The following SUSD4 variants were observed in gnomAD, a reference collection of about 807,000 sequenced individuals.
SUSD4 encodes the protein sushi domain containing 4.
A neutral mutation model predicts 50.5 loss-of-function variants in SUSD4; 41 were observed. The ratio of observed to expected loss-of-function variants is 0.81; its 90% CI spans 0.63 to 1.05. SUSD4 has a LOEUF of 1.05. SUSD4 is among the 50% of genes least tolerant of loss of function. The pLI, the probability that SUSD4 is intolerant of heterozygous loss-of-function variation, is 0.00. For missense variants in SUSD4, 580 were observed against 634.7 expected, an observed-to-expected ratio of 0.91 and a Z score of 0.93; for synonymous variants, 257 against 257.3, an observed-to-expected ratio of 1.00 and a Z score of 0.01.
intron 2 of SUSD4, among the ~76,000 whole-genome samples, chr1:223,358,251 G>T (rs1202168270): frequency 1.5e-5 from 2 of 133,872 alleles, no homozygotes; most frequent in African/African-American, 5.8e-5. Flanking sequence ...GAAAAAGATG[G>T]ATGGATGGAT....
intron 2 of SUSD4, among the ~76,000 whole-genome samples, chr1:223,300,092 G>C (rs1385675829): frequency 6.6e-6 from 1 of 152,186 alleles, no homozygotes; most frequent in Non-Finnish European, 1.5e-5. Context: ...CTGGTAAGCA[G>C]TCATCTAGTG....
intron 2 of SUSD4, among the ~76,000 whole-genome samples, chr1:223,322,229 G>T (rs182049285): frequency 2.0e-3 from 308 of 152,342 alleles, no homozygotes; most frequent in Middle Eastern, 0.017. Flanking sequence ...GTACTGCTCA[G>T]CTTACTCTAG....
intron 1 of SUSD4, chr1:223,363,728 C>T: frequency 9.9e-6 from 3 of 304,470 alleles, no homozygotes; most frequent in Non-Finnish European, 1.8e-5. Context: ...ATTGGCTCCG[C>T]GCCGGTCCCC....
intron 3 of SUSD4, among the ~76,000 whole-genome samples, chr1:223,273,045 G>C (rs887253343): frequency 1.3e-5 from 2 of 152,138 alleles, no homozygotes; most frequent in African/African-American, 2.4e-5. Context: ...ATAGGAAAGG[G>C]GCCCCTGAGG....
At chr1:223,321,790 T>C (rs1271615963) in intron 2 of SUSD4, among the ~76,000 whole-genome samples, 1 of 152,224 alleles carries the variant, frequency 6.6e-6, no homozygotes, top group East Asian at 1.9e-4. Context: ...TATACTGAAA[T>C]ATAGTTATCA....
At chr1:223,257,231 C>T (rs914053074) in intron 5 of SUSD4, among the ~76,000 whole-genome samples, 5 of 151,910 alleles carry the variant, frequency 3.3e-5, no homozygotes, top group East Asian at 1.9e-4. Context: ...GGGCTGGGTG[C>T]GGTGGTTCAT....
At position 223,310,410 on chromosome 1, in the gene SUSD4, AAC is replaced by A. The variant is rs1334693162; in HGVS notation, c.149-17761_149-17760del. ...AGGCACCTGAGCCAAAACAATTCCTAACAGTCTATTCAGAAACCATTGAAACT... is the reference window on the plus strand; with the variant it reads ...AGGCACCTGAGCCAAAACAATTCCTAAGTCTATTCAGAAACCATTGAAACT... On this transcript the variant is annotated intron_variant, in intron 2 of 8. Coordinates refer to ENST00000366878, the MANE Select transcript of SUSD4 (RefSeq NM_017982.4). Among the ~76,000 whole-genome samples, 6 of 152,260 alleles carry A rather than the reference AAC, an allele frequency of 3.9e-5. No individual in the cohort carries two copies. In the East Asian group the frequency reaches 1.2e-3, roughly 29 times the overall value.
chr1:223,307,619 T>C (rs1267108050), intron 2 of SUSD4, among the ~76,000 whole-genome samples: 1 of 152,118 alleles, frequency 6.6e-6, no homozygotes, highest in Non-Finnish European at 1.5e-5. Context: ...TGCGGGGGGA[T>C]TGGAGATGGG....
At chr1:223,302,762 C>CT (rs1305158412) in intron 2 of SUSD4, among the ~76,000 whole-genome samples, 1 of 152,210 alleles carries the variant, frequency 6.6e-6, no homozygotes, top group Non-Finnish European at 1.5e-5. Flanking sequence ...TCCAAACTAA[C>CT]CTGCCTCTGG....
intron 5 of SUSD4, among the ~76,000 whole-genome samples, chr1:223,243,059 T>C (rs1464737492): frequency 6.6e-6 from 1 of 152,062 alleles, no homozygotes; most frequent in African/African-American, 2.4e-5. Flanking sequence ...AGTGTCCCCC[T>C]GGCCAGATGC....
At chr1:223,239,398 C>G (rs1206832006) in intron 5 of SUSD4, among the ~76,000 whole-genome samples, 1 of 151,920 alleles carries the variant, frequency 6.6e-6, no homozygotes. Context: ...TGTTTGGTGC[C>G]TTTGTTCTTT....
chr1:223,234,135 G>T (rs1490915131), intron 5 of SUSD4, among the ~76,000 whole-genome samples: 3 of 152,202 alleles, frequency 2.0e-5, no homozygotes, highest in Admixed American at 1.3e-4. Flanking sequence ...GGGGAGGCGG[G>T]ACCAAAGGAT....
At chr1:223,344,152 C>T (rs750214002) in intron 2 of SUSD4, among the ~76,000 whole-genome samples, 6 of 152,166 alleles carry the variant, frequency 3.9e-5, no homozygotes, top group Non-Finnish European at 5.9e-5. Context: ...TAAATATATA[C>T]AGACAGCCTG....
chr1:223,310,262 G>C (rs1355050265), intron 2 of SUSD4, among the ~76,000 whole-genome samples: 1 of 152,128 alleles, frequency 6.6e-6, no homozygotes, highest in Non-Finnish European at 1.5e-5. Flanking sequence ...GTGATGCTAT[G>C]ACCTTGGGCT....
Position 223,228,210 on chromosome 1 carries a change from C to T in SUSD4, c.917-472G>A, listed in dbSNP as rs1659657427. 2.0e-5 allele frequency among the ~76,000 whole-genome samples: 3 copies of T among 152,162 alleles called. No homozygotes were observed. The South Asian group carries it at 6.2e-4, about 31-fold the overall frequency. ...CTGTTCCACAGCTCTCATGCCCTACCACCTCTAGCCATCAACTGCCTGCCA... is the reference window on the plus strand; with the variant it reads ...CTGTTCCACAGCTCTCATGCCCTACTACCTCTAGCCATCAACTGCCTGCCA... On this transcript the variant is annotated intron_variant, in intron 6 of 8. Coordinates refer to ENST00000366878, the MANE Select transcript of SUSD4 (RefSeq NM_017982.4).
rs142438976 is a variant in SUSD4 at position 223,256,248 on chromosome 1, C to T, written c.724+8382G>A. Among the ~76,000 whole-genome samples the T allele has an allele frequency of 4.1e-4, 62 of 152,236 alleles. No individual in the cohort carries two copies. In the East Asian group the frequency reaches 5.2e-3, roughly 13 times the overall value. ...TGGCTGTGCAGATTACTCAGGTGGC[C>T]GGGCTGGTCTCTCCCACGGAAGGCA... On this transcript the variant is annotated intron_variant, in intron 5 of 8. Transcript: ENST00000366878.
chr1:223,333,465 T>G (rs1169017397), intron 2 of SUSD4, among the ~76,000 whole-genome samples: 1 of 152,086 alleles, frequency 6.6e-6, no homozygotes, highest in Non-Finnish European at 1.5e-5. Flanking sequence ...TTGAACATGG[T>G]AGATTGAACA....
intron 3 of SUSD4, among the ~76,000 whole-genome samples, chr1:223,287,041 C>A (rs74437830): frequency 6.6e-6 from 1 of 152,182 alleles, no homozygotes; most frequent in Non-Finnish European, 1.5e-5. Flanking sequence ...GGAAAACCAT[C>A]CTAGGGATGG....
At position 223,227,461 on chromosome 1, in the gene SUSD4, A is replaced by T; in HGVS notation, c.1061+133T>A. 8.1e-7 allele frequency: 1 copy of T among 1,236,472 alleles called. No individual in the cohort carries two copies. Among genetic ancestry groups the T allele is most frequent in the Non-Finnish European group, 1.1e-6 (1 of 899,300 alleles). 76.6% of individuals were successfully genotyped at this position (1,236,472 alleles called of 1,614,324 possible). A position where few individuals can be genotyped will look rare whatever the true frequency, so the allele number is the denominator to read the frequency against. On this transcript the variant is annotated intron_variant, in intron 7 of 8. Coordinates refer to ENST00000366878, the MANE Select transcript of SUSD4 (RefSeq NM_017982.4). The surrounding 1 kb of genome is among the most constrained non-coding windows in gnomAD (Gnocchi z 4.5). The stretch of plus-strand genomic sequence containing the variant: ...TCCAGCTTTGTGCTCAAAACATCCC[A>T]GAACATTGTTTTTGCTCTCCCCTGT...
Sources: allele counts gnomAD v4.1 joint callset (sites outside exome capture counted in the v4.1 genomes callset), GRCh38; gene constraint gnomAD v4.1.1; non-coding constraint Gnocchi (gnomAD v3.1); transcripts MANE v1.5; gene names NCBI Gene and HGNC (gene_info 2026-07-23, HGNC 2026-07-21).